Variants in MICAL2 observed in about 807,000 individuals in gnomAD.
MICAL2 encodes [F-actin]-monooxygenase MICAL2.
Under a neutral mutation model 127.3 loss-of-function variants are expected in MICAL2, and 77 were observed. The ratio of observed to expected loss-of-function variants is 0.60; its 90% CI spans 0.50 to 0.73. The LOEUF (loss-of-function observed/expected upper bound fraction) is 0.73, where lower values mean the gene tolerates loss of function less well. Among genes scored for constraint, MICAL2 ranks in the 30% least tolerant of loss-of-function variants. MICAL2 has a pLI of 0.00. For synonymous variants in MICAL2, 570 were observed against 551.1 expected, an observed-to-expected ratio of 1.03 and a Z score of -0.48; for missense variants, 1,351 against 1,434.4, an observed-to-expected ratio of 0.94 and a Z score of 0.94.
rs1202697704 is a variant in MICAL2 at position 12,236,158 on chromosome 11, G to A, written c.1996-19G>A. ...CTTGGTGGCCCCCAGAGCTCACCCT[G>A]CTTTCTTGGCCATTGCAGGTGGATG... On this transcript the variant is annotated intron_variant, in intron 15 of 27. Coordinates refer to ENST00000683283, the MANE Select transcript of MICAL2 (RefSeq NM_001282663.2). 1.2e-6 allele frequency: 2 copies of A among 1,613,432 alleles called. No individual in the cohort carries two copies.
intron 3 of MICAL2, among the ~76,000 whole-genome samples, chr11:12,200,458 G>T (rs951878976): frequency 6.6e-6 from 1 of 152,136 alleles, no homozygotes; most frequent in Non-Finnish European, 1.5e-5. Flanking sequence ...TCCTCTGCCC[G>T]GGCACGTGGC....
chr11:12,217,952 G>C (rs1000000236), intron 8 of MICAL2, among the ~76,000 whole-genome samples: 5 of 152,176 alleles, frequency 3.3e-5, no homozygotes, highest in African/African-American at 1.2e-4. Context: ...TCTTCCCTGA[G>C]CCGCTTAAAT....
At chr11:12,181,306 AT>A (rs1857452402) in intron 3 of MICAL2, among the ~76,000 whole-genome samples, 1 of 152,156 alleles carries the variant, frequency 6.6e-6, no homozygotes, top group Non-Finnish European at 1.5e-5. Context: ...CAACAGCATT[AT>A]TTTATATTTA....
intron 8 of MICAL2, 69 bp downstream of exon 8, chr11:12,216,388 C>T: frequency 5.0e-6 from 6 of 1,210,172 alleles, no homozygotes; most frequent in Non-Finnish European, 7.3e-6. Flanking sequence ...GGTGTGAAGG[C>T]AGATGTCGTC....
chr11:12,213,264 G>C lies in MICAL2; in HGVS notation c.701G>C (p.Arg234Thr). ...GRRNTLEGFRRKEFRGKLAIA... is the reference protein window; with the variant it reads ...GRRNTLEGFRTKEFRGKLAIA... ...ATTTCTCCTCATGCAGGGTTCAGAA[G>C]AAAAGAATTCCGTGGGAAGCTGGCG... Residue 234 changes from arginine (R) to threonine (T), a missense_variant, in exon 7 of 28, where the codon AGA (arginine) becomes ACA (threonine). Around this residue, in one of 2 missense-constraint regions of MICAL2, gnomAD observed 599 missense variants for 714.9 expected, o/e 0.84. Coordinates refer to ENST00000683283, the MANE Select transcript of MICAL2 (RefSeq NM_001282663.2). 6.2e-7 allele frequency: 1 copy of C among 1,611,982 alleles called. No individual in the cohort carries two copies. The highest frequency in any genetic ancestry group is 8.5e-7 in the Non-Finnish European group (1 of 1,178,958).
At chr11:12,128,675 A>C (rs1466792384) in intron 1 of MICAL2, among the ~76,000 whole-genome samples, 1 of 152,250 alleles carries the variant, frequency 6.6e-6, no homozygotes, top group Non-Finnish European at 1.5e-5. Flanking sequence ...TCAATGACTC[A>C]GCCCTGCAGG....
chr11:12,300,651 T>C (rs139772518), intron 29 of MICAL2, among the ~76,000 whole-genome samples: 2,303 of 152,226 alleles, frequency 0.015, 26 homozygotes, highest in Non-Finnish European at 0.021. Flanking sequence ...CTATGCCCTC[T>C]AACCACTAGG....
At chr11:12,168,104 C>T (rs1855734969) in intron 3 of MICAL2, among the ~76,000 whole-genome samples, 1 of 150,848 alleles carries the variant, frequency 6.6e-6, no homozygotes, top group African/African-American at 2.4e-5. Flanking sequence ...GAGTTCGAAA[C>T]CAAATTGGGC....
intron 34 of MICAL2, among the ~76,000 whole-genome samples, chr11:12,357,434 A>G (rs1939145386): frequency 6.6e-6 from 1 of 152,244 alleles, no homozygotes; most frequent in Non-Finnish European, 1.5e-5. Flanking sequence ...TCGAGAAGAC[A>G]AAGGGAAAAG....
At chr11:12,317,905 A>G (rs969803300) in intron 29 of MICAL2, among the ~76,000 whole-genome samples, 11 of 152,230 alleles carry the variant, frequency 7.2e-5, no homozygotes, top group African/African-American at 2.4e-4. Flanking sequence ...GAAATGCCTT[A>G]TCTTTGGAAG....
chr11:12,344,568 G>A (rs1330076238), intron 32 of MICAL2, among the ~76,000 whole-genome samples: 1 of 148,528 alleles, frequency 6.7e-6, no homozygotes, highest in African/African-American at 2.4e-5. Flanking sequence ...TGGTGCAATC[G>A]GGGTTCACTG....
At chr11:12,335,040 A>G (rs1181600680) in intron 32 of MICAL2, among the ~76,000 whole-genome samples, 2 of 152,090 alleles carry the variant, frequency 1.3e-5, no homozygotes, top group South Asian at 2.1e-4. Flanking sequence ...TGTCTTCCAC[A>G]ATGGTTGAAC....
At chr11:12,147,257 G>T (rs1354738235) in intron 2 of MICAL2, among the ~76,000 whole-genome samples, 1 of 152,100 alleles carries the variant, frequency 6.6e-6, no homozygotes, top group Non-Finnish European at 1.5e-5. Flanking sequence ...AATCTTTTAA[G>T]TGAACTCTAA....
chr11:12,176,505 A>T (rs7934282), intron 3 of MICAL2, among the ~76,000 whole-genome samples: 5 of 151,958 alleles, frequency 3.3e-5, no homozygotes, highest in Non-Finnish European at 7.4e-5. Flanking sequence ...CATAAAATTG[A>T]CCATTTTAAC....
At chr11:12,292,773 C>T (rs1863921690), downstream of MICAL2, among the ~76,000 whole-genome samples, 1 of 152,324 alleles carries the variant, frequency 6.6e-6, no homozygotes, top group East Asian at 1.9e-4. Context: ...TATCAAGCCT[C>T]TGTTACCTGC....
downstream of MICAL2, chr11:12,294,354 G>T (rs770445442): frequency 1.2e-6 from 2 of 1,614,220 alleles, no homozygotes; most frequent in Non-Finnish European, 8.5e-7. Flanking sequence ...GCACAGGCCT[G>T]CACTCGCTCA....
At chr11:12,189,642 T>G (rs542265359) in intron 3 of MICAL2, among the ~76,000 whole-genome samples, 1 of 152,344 alleles carries the variant, frequency 6.6e-6, no homozygotes, top group African/African-American at 2.4e-5. Context: ...GAGACTCAGT[T>G]TGTTTTCTCT....
At chr11:12,342,889 T>C (rs943176635) in intron 32 of MICAL2, among the ~76,000 whole-genome samples, 1 of 152,180 alleles carries the variant, frequency 6.6e-6, no homozygotes, top group African/African-American at 2.4e-5. Context: ...CAATGCTGCC[T>C]TCGTCAGGAC....
intron 3 of MICAL2, among the ~76,000 whole-genome samples, chr11:12,191,589 C>T (rs1590267198): frequency 6.6e-6 from 1 of 151,644 alleles, no homozygotes; most frequent in Non-Finnish European, 1.5e-5. Flanking sequence ...CATGGTGAAA[C>T]CCTGTCTCTA....
Sources: gnomAD v4.1 joint callset for allele counts (sites outside exome capture counted in the v4.1 genomes callset) on GRCh38, gnomAD v4.1.1 for gene constraint, gnomAD v4.1.1 regional missense constraint, MANE v1.5 for transcripts, NCBI Gene and HGNC (gene_info 2026-07-23, HGNC 2026-07-21) for gene names.